Variants in NLK observed in about 807,000 individuals in gnomAD.
The protein encoded by NLK is nemo like kinase.
NLK carries 11 observed loss-of-function variants against 59.0 expected under a neutral mutation model. The ratio of observed to expected loss-of-function variants is 0.19; its 90% confidence interval spans 0.12 to 0.31. NLK has a LOEUF of 0.31. Among genes scored for constraint, NLK ranks in the 10% least tolerant of loss-of-function variants. NLK has a pLI of 1.00. For missense variants in NLK, 410 were observed against 661.1 expected (o/e 0.62, Z 4.16); for synonymous variants, 235 against 235.9 (o/e 1.00, Z 0.03).
Position 28,137,417 on chromosome 17 carries a change from A to G in NLK, c.644+4742A>G, listed in dbSNP as rs1841586438. On this transcript the variant is annotated intron_variant, in intron 3 of 10. Transcript: ENST00000407008. ...GAGGGAAAATAAATAATCCTAAGTAATTATCCACTGTACATAAAGTACCAC... is the reference window on the plus strand; with the variant it reads ...GAGGGAAAATAAATAATCCTAAGTAGTTATCCACTGTACATAAAGTACCAC... Among the ~76,000 whole-genome samples, 2 of 152,152 alleles carry G rather than the reference A, an allele frequency of 1.3e-5. 1 individual carries two copies. Among genetic ancestry groups the G allele is most frequent in the African/African-American group, 4.8e-5 (2 of 41,442 alleles).
In NLK at chr17:28,122,854, A is replaced by C. The variant is rs1906124568; in HGVS notation, c.588+122A>C. The C allele has an allele frequency of 5.9e-6, 6 of 1,020,558 alleles. No homozygotes were observed. The East Asian group carries it at 1.4e-4, about 24-fold the overall frequency. 63.2% of individuals were successfully genotyped at this position (1,020,558 alleles called of 1,614,324 possible). ...AAATTTGGAAATTGGCTATAGTTTT[A>C]TGCCAAATGTGAAAAGAAATAAGCG... On this transcript the variant is annotated intron_variant, in intron 2 of 10. Coordinates refer to ENST00000407008, the MANE Select transcript of NLK (RefSeq NM_016231.5).
At position 28,068,291 on chromosome 17, in the gene NLK, T is replaced by A. The variant is rs1909901676; in HGVS notation, c.458+24960T>A. ...CTCATTTCTTCTTTAACCTATAGAT[T>A]GCTTAGAAGTGTGTTTTTAATTTTC... On this transcript the variant is annotated intron_variant, in intron 1 of 10. Transcript: ENST00000407008. 4.6e-5 allele frequency among the ~76,000 whole-genome samples: 7 copies of A among 152,226 alleles called. No homozygotes were observed. In the South Asian group the frequency reaches 1.4e-3, roughly 31 times the overall value.
chr17:28,075,633 T>C (rs1275800421), intron 1 of NLK, among the ~76,000 whole-genome samples: 3 of 152,200 alleles, frequency 2.0e-5, no homozygotes, highest in Admixed American at 6.5e-5. Flanking sequence ...ACTTAAAAAC[T>C]GTTCTTAAGT....
At chr17:28,090,867 C>CT (rs1390670805) in intron 1 of NLK, among the ~76,000 whole-genome samples, 1 of 151,972 alleles carries the variant, frequency 6.6e-6, no homozygotes, top group Non-Finnish European at 1.5e-5. Context: ...TGTAATATGT[C>CT]TTTTTTTCCT....
intron 1 of NLK, among the ~76,000 whole-genome samples, chr17:28,047,533 T>C (rs1160222760): frequency 1.3e-5 from 2 of 152,222 alleles, no homozygotes; most frequent in African/African-American, 2.4e-5. Flanking sequence ...ATTTATATAC[T>C]GGGAAATTAA....
At chr17:28,115,970 TAAG>T (rs904905603) in intron 1 of NLK, among the ~76,000 whole-genome samples, 3 of 152,078 alleles carry the variant, frequency 2.0e-5, no homozygotes, top group Non-Finnish European at 4.4e-5. Context: ...CAGTAATTAA[TAAG>T]ATTTGCTTCA....
intron 1 of NLK, among the ~76,000 whole-genome samples, chr17:28,083,699 A>G (rs1910421391): frequency 6.6e-6 from 1 of 152,214 alleles, no homozygotes; most frequent in Non-Finnish European, 1.5e-5. Context: ...ACATGGATTT[A>G]TAAATATTTG....
chr17:28,086,317 T>C lies in NLK; in HGVS notation c.459-36286T>C, dbSNP rs569465072. Among the ~76,000 whole-genome samples the C allele has an allele frequency of 8.5e-5, 13 of 152,308 alleles. No homozygotes were observed. The South Asian group carries it at 2.5e-3, about 29-fold the overall frequency. On this transcript the variant is annotated intron_variant, in intron 1 of 10. Transcript: ENST00000407008. ...CTGGAAATCACATAACAATTCCTTT[T>C]ATGTTCCATGGGCTAGAATTGAATA...
chr17:28,089,889 G>A (rs1401673789), intron 1 of NLK, among the ~76,000 whole-genome samples: 1 of 152,054 alleles, frequency 6.6e-6, no homozygotes, highest in African/African-American at 2.4e-5. Context: ...AAAATTGTGT[G>A]TGTATTTTTT....
chr17:28,188,376 T>C (rs1341854759), intron 8 of NLK, among the ~76,000 whole-genome samples: 4 of 152,288 alleles, frequency 2.6e-5, no homozygotes, highest in African/African-American at 9.6e-5. Context: ...GGATTTTTTT[T>C]ATTTCCAGTT....
At chr17:28,062,302 C>T (rs561977430) in intron 1 of NLK, among the ~76,000 whole-genome samples, 247 of 152,182 alleles carry the variant, frequency 1.6e-3, no homozygotes, top group African/African-American at 5.5e-3. Context: ...CTAATACTAA[C>T]TTTTTGACCA....
intron 7 of NLK, 32 bp downstream of exon 7, chr17:28,172,650 C>A (rs756314389): frequency 1.2e-5 from 15 of 1,299,244 alleles, no homozygotes; most frequent in South Asian, 1.6e-5. Flanking sequence ...TTTCTGGTAA[C>A]CATCTGTTTG....
chr17:28,147,375 G>C (rs1907300089), intron 3 of NLK, among the ~76,000 whole-genome samples: 1 of 152,114 alleles, frequency 6.6e-6, no homozygotes, highest in Non-Finnish European at 1.5e-5. Context: ...TTTTTCTGAG[G>C]AATTACCTTT....
At chr17:28,132,590 T>G (rs781173672) in intron 2 of NLK, 30 bp from the exon 3 acceptor site, 2 of 1,569,136 alleles carry the variant, frequency 1.3e-6, no homozygotes. Context: ...TTTTGTTCTC[T>G]AAATTTGACT....
chr17:28,137,369 T>C (rs1367365022), intron 3 of NLK, among the ~76,000 whole-genome samples: 1 of 152,170 alleles, frequency 6.6e-6, no homozygotes, highest in East Asian at 1.9e-4. Flanking sequence ...GTCAAAAATA[T>C]ATATTTATAT....
intron 1 of NLK, among the ~76,000 whole-genome samples, chr17:28,044,665 T>C (rs1263471031): frequency 6.6e-6 from 1 of 152,226 alleles, no homozygotes; most frequent in East Asian, 1.9e-4. Flanking sequence ...CCTTCCTCTC[T>C]TCCCTTCCAC....
At chr17:28,172,450 T>C (rs1908502164) in intron 6 of NLK, 67 bp from the exon 7 acceptor site, 2 of 1,095,328 alleles carry the variant, frequency 1.8e-6, no homozygotes, top group Admixed American at 5.8e-5. Flanking sequence ...TCTAAGGCTA[T>C]GATTTAAGAG....
chr17:28,120,235 G>GGTGTGTGTGTGTGT (rs10542547), intron 1 of NLK, among the ~76,000 whole-genome samples: 1 of 139,082 alleles, frequency 7.2e-6, no homozygotes, highest in Non-Finnish European at 1.6e-5. Flanking sequence ...TTTGGCTTGG[G>GGTGTGTGTGTGTGT]GTGTGTGTGT....
intron 1 of NLK, among the ~76,000 whole-genome samples, chr17:28,068,916 C>T (rs1336688118): frequency 5.9e-5 from 9 of 152,090 alleles, no homozygotes; most frequent in African/African-American, 1.2e-4. Context: ...TGGGCTCAAG[C>T]GATCCTCACG....
Sources: allele counts gnomAD v4.1 joint callset (sites outside exome capture counted in the v4.1 genomes callset), GRCh38; gene constraint gnomAD v4.1.1; transcripts MANE v1.5; gene names NCBI Gene and HGNC (gene_info 2026-07-23, HGNC 2026-07-21).